LYN: variants seen among roughly 807,000 people sequenced by gnomAD.
The protein encoded by LYN is LYN proto-oncogene, Src family tyrosine kinase.
Under a neutral mutation model 65.0 loss-of-function variants are expected in LYN, and 12 were observed. That is an observed-to-expected ratio of 0.18 (90% CI 0.12 to 0.30). The LOEUF (loss-of-function observed/expected upper bound fraction) is 0.30. Among genes scored for constraint, LYN ranks in the 10% least tolerant of loss-of-function variants. LYN has a pLI of 1.00. For missense variants in LYN, 380 were observed against 623.2 expected (o/e 0.61, Z 4.16); for synonymous variants, 222 against 221.2 (o/e 1.00, Z -0.03).
intron 12 of LYN, among the ~76,000 whole-genome samples, chr8:56,002,725 C>A (rs1247047333): frequency 2.6e-5 from 4 of 151,992 alleles, no homozygotes; most frequent in African/African-American, 4.8e-5. Context: ...GAAGAACACA[C>A]CAGAATCCAT....
At chr8:55,896,874 G>T (rs1314714930) in intron 1 of LYN, among the ~76,000 whole-genome samples, 1 of 152,068 alleles carries the variant, frequency 6.6e-6, no homozygotes, top group East Asian at 1.9e-4. Flanking sequence ...TGAGTTGCTG[G>T]GACTACAGGT....
chr8:55,963,212 G>A (rs1365870156), intron 8 of LYN, among the ~76,000 whole-genome samples: 1 of 152,214 alleles, frequency 6.6e-6, no homozygotes, highest in East Asian at 1.9e-4. Flanking sequence ...AAGCATGCAT[G>A]AGCTCTAGGG....
chr8:55,934,549 A>T (rs1806369067), intron 1 of LYN, among the ~76,000 whole-genome samples: 2 of 152,216 alleles, frequency 1.3e-5, no homozygotes, highest in African/African-American at 2.4e-5. Flanking sequence ...AAGTGCATGC[A>T]ACTGGGAAAC....
chr8:55,963,379 T>G (rs187453900), intron 8 of LYN, among the ~76,000 whole-genome samples: 1 of 152,310 alleles, frequency 6.6e-6, no homozygotes, highest in East Asian at 1.9e-4. Context: ...AGAGCTGTAC[T>G]TAGAGAGATG....
At chr8:55,899,679 T>G (rs1805207267) in intron 1 of LYN, among the ~76,000 whole-genome samples, 1 of 152,176 alleles carries the variant, frequency 6.6e-6, no homozygotes, top group Admixed American at 6.6e-5. Flanking sequence ...AGATGGGGTC[T>G]TACACAGTTA....
intron 1 of LYN, among the ~76,000 whole-genome samples, chr8:55,883,621 C>G (rs1374217504): frequency 6.6e-6 from 1 of 152,216 alleles, no homozygotes; most frequent in African/African-American, 2.4e-5. Flanking sequence ...CCGACCTGTG[C>G]TGGGAGTGTC....
In LYN at chr8:55,941,906, G is replaced by A. The variant is rs1366782003; in HGVS notation, c.47G>A (p.Gly16Glu). The A allele has an allele frequency of 1.9e-6, 3 of 1,612,458 alleles. No homozygotes were observed. Among genetic ancestry groups the A allele is most frequent in the Non-Finnish European group, 2.5e-6 (3 of 1,178,842 alleles). Reference sequence around the variant, plus strand: ...GGGAAAGACAGCTTGAGTGACGATGGAGTAGATTTGAAGACTCAACCAGTA... The same window carrying A: ...GGGAAAGACAGCTTGAGTGACGATGAAGTAGATTTGAAGACTCAACCAGTA... Reference protein sequence around the residue: ...SKGKDSLSDDGVDLKTQPVRN... With the variant: ...SKGKDSLSDDEVDLKTQPVRN... Residue 16 changes from glycine (G) to glutamate (E), a missense_variant, in exon 2 of 13, where the codon GGA becomes GAA. Around this residue, in one of 2 missense-constraint regions of LYN, gnomAD observed 157 missense variants for 193.2 expected, o/e 0.81. Coordinates refer to ENST00000519728, the MANE Select transcript of LYN (RefSeq NM_002350.4).
intron 1 of LYN, among the ~76,000 whole-genome samples, chr8:55,888,959 A>G (rs538651081): frequency 2.0e-5 from 3 of 152,288 alleles, no homozygotes; most frequent in African/African-American, 7.2e-5. Context: ...TATTATTTCA[A>G]ATTTGATAGA....
chr8:55,950,656 A>C (rs1301919553), intron 5 of LYN, 25 bp from the exon 6 acceptor site: 2 of 1,590,710 alleles, frequency 1.3e-6, no homozygotes, highest in African/African-American at 1.3e-5. Flanking sequence ...CATAATATGC[A>C]GGAAATGTTG....
chr8:55,969,930 T>A, intron 10 of LYN, 137 bp downstream of exon 10: 2 of 726,828 alleles, frequency 2.8e-6, no homozygotes, highest in Admixed American at 2.1e-5. Context: ...GAAAAAGACC[T>A]TCCACAATAC....
chr8:55,998,643 A>G, intron 11 of LYN, 144 bp downstream of exon 11: 1 of 700,396 alleles, frequency 1.4e-6, no homozygotes, highest in South Asian at 1.9e-5. Flanking sequence ...TTGTCTGCTT[A>G]TGGTTCTATT....
chr8:55,946,530 C>G lies in LYN; in HGVS notation c.178+37C>G, dbSNP rs1760733567. On this transcript the variant is annotated intron_variant, in intron 3 of 12. Transcript: ENST00000519728. ...TAGCAACATAGTTAAAATTTTTTTT[C>G]TTTACTATTAGAGCTTCTATAAAGT... 4.4e-6 allele frequency: 6 copies of G among 1,358,530 alleles called. No individual in the cohort carries two copies. In the Middle Eastern group the frequency reaches 9.0e-4, roughly 204 times the overall value. The allele number at this position is 1,358,530 out of a possible 1,614,324, so 84.2% of individuals were successfully genotyped here. A position where few individuals can be genotyped will look rare whatever the true frequency, so the allele number is the denominator to read the frequency against.
At chr8:55,959,994 T>G (rs1019242178) in intron 8 of LYN, among the ~76,000 whole-genome samples, 30 of 152,258 alleles carry the variant, frequency 2.0e-4, no homozygotes, top group African/African-American at 7.2e-4. Context: ...AGATGACTGG[T>G]TGCCTAGGGC....
At position 56,012,617 on chromosome 8, in the gene LYN, G is replaced by T. The variant is rs566603929; in HGVS notation, c.*2507G>T. 1 of 153,250 alleles carries T rather than the reference G, an allele frequency of 6.5e-6. No individual in the cohort carries two copies. The highest frequency in any genetic ancestry group is 2.4e-5 in the African/African-American group (1 of 41,546). The allele number at this position is 153,250 out of a possible 1,614,324, so 9.5% of individuals were successfully genotyped here. On this transcript the variant is annotated 3_prime_UTR_variant, in exon 13 of 13. Coordinates refer to ENST00000519728, the MANE Select transcript of LYN (RefSeq NM_002350.4). ...ACCTATGGTCCCAGCTACTCAGGAG[G>T]CTGAGGTGGGAGGATTGCTTGAGCC...
intron 8 of LYN, among the ~76,000 whole-genome samples, chr8:55,956,044 G>T (rs1010138980): frequency 7.2e-5 from 11 of 152,032 alleles, no homozygotes; most frequent in African/African-American, 2.7e-4. Context: ...TAGGAGTTCA[G>T]TTGCTGGGGC....
At chr8:55,950,434 T>G in intron 4 of LYN, 25 bp from the exon 5 acceptor site, 1 of 1,517,852 alleles carries the variant, frequency 6.6e-7, no homozygotes, top group Non-Finnish European at 9.0e-7. Context: ...TTTTAGCTTC[T>G]TTTTGATGTG....
chr8:55,913,956 T>C (rs1805713418), intron 1 of LYN, among the ~76,000 whole-genome samples: 1 of 152,070 alleles, frequency 6.6e-6, no homozygotes, highest in Non-Finnish European at 1.5e-5. Flanking sequence ...AGACAGGTTA[T>C]TGTGGAGGAG....
At position 56,010,159 on chromosome 8, in the gene LYN, G is replaced by A; in HGVS notation, c.*49G>A. 3 of 1,579,010 alleles carry A rather than the reference G, an allele frequency of 1.9e-6. No homozygotes were observed. The South Asian group carries it at 3.3e-5, about 18-fold the overall frequency. ...GGCAGGGGTGGCTGCCTCATTTAGAGAGGAAAAGTAACCATCACTGGTTGC... is the reference window on the plus strand; with the variant it reads ...GGCAGGGGTGGCTGCCTCATTTAGAAAGGAAAAGTAACCATCACTGGTTGC... On this transcript the variant is annotated 3_prime_UTR_variant, in exon 13 of 13. Transcript: ENST00000519728.
chr8:55,916,913 A>C (rs940649073), intron 1 of LYN, among the ~76,000 whole-genome samples: 1 of 152,084 alleles, frequency 6.6e-6, no homozygotes, highest in Non-Finnish European at 1.5e-5. Context: ...ACAATGGCTC[A>C]TACCTGTAAT....
Sources: allele counts gnomAD v4.1 joint callset (sites outside exome capture counted in the v4.1 genomes callset), GRCh38; gene constraint gnomAD v4.1.1; regional missense constraint gnomAD v4.1.1; transcripts MANE v1.5; gene names NCBI Gene and HGNC (gene_info 2026-07-23, HGNC 2026-07-21).